OLFM3: variants seen among roughly 807,000 people sequenced by gnomAD.
OLFM3 encodes the protein olfactomedin 3.
Under a neutral mutation model 48.6 loss-of-function variants are expected in OLFM3, and 20 were observed. The ratio of observed to expected loss-of-function variants is 0.41; its 90% CI spans 0.29 to 0.60. OLFM3 has a LOEUF of 0.60. OLFM3 is among the 20% of genes least tolerant of loss of function. OLFM3 has a pLI of 0.28. For synonymous variants in OLFM3, 222 were observed against 198.1 expected (o/e 1.12, Z -1.01); for missense variants, 437 against 544.3 (o/e 0.80, Z 1.96).
chr1:101,932,941 C>T (rs1659488395), intron 1 of OLFM3, among the ~76,000 whole-genome samples: 1 of 152,116 alleles, frequency 6.6e-6, no homozygotes, highest in African/African-American at 2.4e-5. Flanking sequence ...TGGTGGCTCA[C>T]ACCTGTAATC....
At chr1:101,827,558 T>C (rs1404457785) in intron 3 of OLFM3, among the ~76,000 whole-genome samples, 1 of 152,192 alleles carries the variant, frequency 6.6e-6, no homozygotes, top group Non-Finnish European at 1.5e-5. Context: ...GAATTTACTT[T>C]GGAACGTTCC....
intron 1 of OLFM3, among the ~76,000 whole-genome samples, chr1:101,926,667 C>T (rs1659279015): frequency 6.6e-6 from 1 of 152,184 alleles, no homozygotes; most frequent in Admixed American, 6.6e-5. Flanking sequence ...CCCTGGTCAC[C>T]TCCCTGAGTT....
At chr1:101,944,722 A>C (rs925112277) in intron 1 of OLFM3, among the ~76,000 whole-genome samples, 11 of 152,096 alleles carry the variant, frequency 7.2e-5, no homozygotes, top group Non-Finnish European at 1.2e-4. Context: ...TCTACTAAAA[A>C]TACAAAAATT....
intron 1 of OLFM3, among the ~76,000 whole-genome samples, chr1:101,877,499 AC>A (rs1458111920): frequency 6.6e-6 from 1 of 151,980 alleles, no homozygotes; most frequent in Non-Finnish European, 1.5e-5. Context: ...TATTTCCAAA[AC>A]AACACTATTA....
At chr1:101,847,653 G>A (rs1357667341) in intron 1 of OLFM3, among the ~76,000 whole-genome samples, 1 of 152,126 alleles carries the variant, frequency 6.6e-6, no homozygotes, top group African/African-American at 2.4e-5. Flanking sequence ...AGACAGAAAA[G>A]AGAAAAGACA....
chr1:101,924,277 A>C (rs1442731670), intron 1 of OLFM3, among the ~76,000 whole-genome samples: 1 of 152,180 alleles, frequency 6.6e-6, no homozygotes, highest in Non-Finnish European at 1.5e-5. Context: ...GTACGTTTGC[A>C]TGGAAGCCAA....
At chr1:101,980,724 G>A (rs1035749011) in intron 1 of OLFM3, among the ~76,000 whole-genome samples, 4 of 152,130 alleles carry the variant, frequency 2.6e-5, no homozygotes, top group Non-Finnish European at 5.9e-5. Flanking sequence ...GAGAGGGAAG[G>A]GAGTGATACA....
chr1:101,899,076 G>C (rs1195080555), intron 1 of OLFM3, among the ~76,000 whole-genome samples: 1 of 152,178 alleles, frequency 6.6e-6, no homozygotes, highest in Non-Finnish European at 1.5e-5. Flanking sequence ...TTCCGTGCCA[G>C]GAATCTGGGT....
intron 3 of OLFM3, among the ~76,000 whole-genome samples, chr1:101,827,262 GA>G (rs1654904913): frequency 1.3e-5 from 2 of 152,032 alleles, no homozygotes; most frequent in South Asian, 4.1e-4. Flanking sequence ...AAAAAGTGTA[GA>G]AGACAAAACC....
chr1:101,957,289 A>G (rs1557745922), intron 1 of OLFM3, among the ~76,000 whole-genome samples: 1 of 151,980 alleles, frequency 6.6e-6, no homozygotes, highest in Non-Finnish European at 1.5e-5. Context: ...ATTGTTTGAC[A>G]TTTTGTCCTT....
intron 1 of OLFM3, chr1:101,837,722 A>G (rs1003745184): frequency 3.3e-5 from 5 of 152,176 alleles, no homozygotes; most frequent in African/African-American, 4.8e-5. Context: ...TCTGCAATTT[A>G]TGCTTCTAGA....
chr1:101,835,599 G>C (rs1655363789), intron 2 of OLFM3, among the ~76,000 whole-genome samples: 1 of 152,230 alleles, frequency 6.6e-6, no homozygotes, highest in Admixed American at 6.5e-5. Flanking sequence ...ACAGGCGTGA[G>C]CCAGCACACC....
At chr1:101,866,064 T>C (rs935071124) in intron 1 of OLFM3, among the ~76,000 whole-genome samples, 4 of 152,176 alleles carry the variant, frequency 2.6e-5, no homozygotes, top group African/African-American at 9.7e-5. Context: ...TATCAGTATG[T>C]AGAGCACTAA....
chr1:101,884,545 G>T (rs1309833393), intron 1 of OLFM3, among the ~76,000 whole-genome samples: 1 of 151,868 alleles, frequency 6.6e-6, no homozygotes, highest in Non-Finnish European at 1.5e-5. Context: ...ACATTTATTA[G>T]TAAGGAAGAG....
At chr1:101,994,072 G>A (rs1435615435) in intron 1 of OLFM3, among the ~76,000 whole-genome samples, 1 of 151,416 alleles carries the variant, frequency 6.6e-6, no homozygotes, top group East Asian at 1.9e-4. Context: ...TAATATATAA[G>A]AAGTACTTTC....
chr1:101,830,697 T>C lies in OLFM3; in HGVS notation c.347A>G (p.Lys116Arg). Residue 116 changes from lysine (K) to arginine (R), a missense_variant, in exon 3 of 6, where the codon AAG becomes AGG. Lys to Arg is a conservative substitution (Grantham distance 26). Coordinates refer to ENST00000370103, the MANE Select transcript of OLFM3 (RefSeq NM_058170.4). Reference sequence around the variant, plus strand: ...CTGAAAATGCTTGGTCATAAGTGTCTTTCGATCATCTTCAATCTGCCGAAA... The same window carrying C: ...CTGAAAATGCTTGGTCATAAGTGTCCTTCGATCATCTTCAATCTGCCGAAA... ...AKFRQIEDDRKTLMTKHFQEL... is the reference protein window; with the variant it reads ...AKFRQIEDDRRTLMTKHFQEL... The C allele has an allele frequency of 6.2e-7, 1 of 1,614,196 alleles. No homozygotes were observed. Among genetic ancestry groups the C allele is most frequent in the Non-Finnish European group, 8.5e-7 (1 of 1,180,036 alleles).
rs5776596 is a variant in OLFM3 at position 101,862,993 on chromosome 1, G to GT, written c.70-25969dup. Among the ~76,000 whole-genome samples, 359 of 142,448 alleles carry GT rather than the reference G, an allele frequency of 2.5e-3. 2 individuals carry two copies. Among genetic ancestry groups the GT allele is most frequent in the East Asian group, 5.0e-3 (25 of 4,954 alleles). 93.5% of individuals were successfully genotyped at this position (142,448 alleles called of 152,430 possible). On this transcript the variant is annotated intron_variant, in intron 1 of 5. Transcript: ENST00000370103. The stretch of plus-strand genomic sequence containing the variant: ...GGTAAAAATAAATCCTATGTAATTA[G>GT]TTTTTTTTTTTTTTTGAGACGGAGT...
At chr1:101,849,770 A>C (rs1344943793) in intron 1 of OLFM3, among the ~76,000 whole-genome samples, 1 of 152,208 alleles carries the variant, frequency 6.6e-6, no homozygotes, top group African/African-American at 2.4e-5. Context: ...TGACTGAATA[A>C]ATGTGACGCA....
chr1:101,908,050 A>G (rs1036781714), intron 1 of OLFM3, among the ~76,000 whole-genome samples: 1 of 152,216 alleles, frequency 6.6e-6, no homozygotes, highest in Non-Finnish European at 1.5e-5. Flanking sequence ...TGTAGATACA[A>G]TTCAAATTGT....
Sources: gnomAD v4.1 joint callset for allele counts (sites outside exome capture counted in the v4.1 genomes callset) on GRCh38, gnomAD v4.1.1 for gene constraint, MANE v1.5 for transcripts, NCBI Gene and HGNC (gene_info 2026-07-23, HGNC 2026-07-21) for gene names.